SUSD1: variants seen among roughly 807,000 people sequenced by gnomAD.
The protein encoded by SUSD1 is sushi domain-containing protein 1.
SUSD1 carries 65 observed loss-of-function variants against 86.9 expected under a neutral mutation model. The observed-to-expected ratio is 0.75, with a 90% confidence interval of 0.61 to 0.92. SUSD1 has a LOEUF of 0.92. SUSD1 is among the 40% of genes least tolerant of loss of function. The pLI is 0.00. For missense variants in SUSD1, 850 were observed against 929.7 expected (o/e 0.91, Z 1.11); for synonymous variants, 346 against 350.0 (o/e 0.99, Z 0.13).
rs185711777 is a variant in SUSD1, at chr9:112,100,181, C to T, written c.1282-1519G>A. On this transcript the variant is annotated intron_variant, in intron 9 of 16. Transcript: ENST00000374270. ...ACATGTCACACAAATTAACCTTTAT[C>T]TAATTTTTTTGTTGTTGTTTTTTTA... Among the ~76,000 whole-genome samples the T allele has an allele frequency of 5.9e-5, 9 of 152,206 alleles. 1 individual carries two copies. Among genetic ancestry groups the T allele is most frequent in the Admixed American group, 4.6e-4 (7 of 15,278 alleles).
At chr9:112,118,025 G>A (rs1051822033) in intron 6 of SUSD1, among the ~76,000 whole-genome samples, 1 of 152,194 alleles carries the variant, frequency 6.6e-6, no homozygotes, top group Non-Finnish European at 1.5e-5. Flanking sequence ...AAGTCCCACT[G>A]TGCAAGGACA....
chr9:112,148,806 T>C (rs1436708897), intron 3 of SUSD1, among the ~76,000 whole-genome samples: 1 of 151,744 alleles, frequency 6.6e-6, no homozygotes, highest in Admixed American at 6.6e-5. Context: ...CTTAGGAAGC[T>C]GAGGCAGGAG....
chr9:112,150,931 T>C (rs1257741196), intron 2 of SUSD1, among the ~76,000 whole-genome samples: 1 of 152,164 alleles, frequency 6.6e-6, no homozygotes, highest in Non-Finnish European at 1.5e-5. Flanking sequence ...GATACATGAC[T>C]GTAGACTTTT....
chr9:112,173,730 C>T (rs1834145220), intron 1 of SUSD1: 2 of 397,924 alleles, frequency 5.0e-6, no homozygotes, highest in Non-Finnish European at 4.9e-6. Flanking sequence ...GAATCTTGGG[C>T]TTAACCTCCT....
At chr9:112,157,942 G>A (rs562481128) in intron 1 of SUSD1, among the ~76,000 whole-genome samples, 1 of 150,774 alleles carries the variant, frequency 6.6e-6, no homozygotes, top group East Asian at 2.0e-4. Context: ...TCCCACCTCA[G>A]CCTCCCAAGT....
At chr9:112,115,325 T>A (rs1831266991) in intron 6 of SUSD1, among the ~76,000 whole-genome samples, 1 of 152,218 alleles carries the variant, frequency 6.6e-6, no homozygotes, top group Non-Finnish European at 1.5e-5. Context: ...GTGTCCCACA[T>A]GACCTGGTCT....
chr9:112,052,239 C>A, intron 15 of SUSD1, 160 bp downstream of exon 15: 1 of 1,538,416 alleles, frequency 6.5e-7, no homozygotes, highest in Non-Finnish European at 8.7e-7. Flanking sequence ...ATCCACTCAC[C>A]CTCCTCCCAT....
Position 112,073,103 on chromosome 9 carries a change from G to C in SUSD1, c.1753+5435C>G, listed in dbSNP as rs559917474. Among the ~76,000 whole-genome samples, 10 of 152,376 alleles carry C rather than the reference G, an allele frequency of 6.6e-5. No homozygotes were observed. The South Asian group carries it at 1.7e-3, about 25-fold the overall frequency. ...AGGACATCCCATTGTGGAGGGCGGT[G>C]TCAGAGGCAGGGGCAGGGAGGATCA... On this transcript the variant is annotated intron_variant, in intron 12 of 16. Coordinates refer to ENST00000374270, the MANE Select transcript of SUSD1 (RefSeq NM_022486.5).
rs1831106874 is a variant in SUSD1 at position 112,111,733 on chromosome 9, T to G, written c.1092A>C (p.Pro364=). 1 of 1,614,094 alleles carries G rather than the reference T, an allele frequency of 6.2e-7. No individual in the cohort carries two copies. The highest frequency in any genetic ancestry group is 8.5e-7 in the Non-Finnish European group (1 of 1,179,958). ...AGATGTTCACGGTGTAGTTGGTGCC[T>G]GGGTACAGGGCTAGGCACACTTCTG... The part of the protein sequence containing the change: ...RTPEVCLALY[P]GTNYTVNIST... The change falls in exon 8 of 17, where the codon CCA becomes CCC. Residue 364 remains proline (P), a synonymous_variant. Transcript: ENST00000374270.
intron 15 of SUSD1, among the ~76,000 whole-genome samples, chr9:112,042,866 A>G (rs1589563965): frequency 6.6e-6 from 1 of 152,224 alleles, no homozygotes; most frequent in South Asian, 2.1e-4. Flanking sequence ...TCAGTACAGT[A>G]CCTGGCACTA....
At chr9:112,165,231 G>T (rs1833730572) in intron 1 of SUSD1, among the ~76,000 whole-genome samples, 1 of 152,102 alleles carries the variant, frequency 6.6e-6, no homozygotes, top group African/African-American at 2.4e-5. Flanking sequence ...ATGTAGGCAT[G>T]CAATGCGTAG....
intron 4 of SUSD1, 30 bp downstream of exon 4, chr9:112,143,441 G>C (rs1263775031): frequency 6.2e-7 from 1 of 1,608,222 alleles, no homozygotes; most frequent in Non-Finnish European, 8.5e-7. Flanking sequence ...ATTTCACGTT[G>C]AGATGCCGCA....
chr9:112,080,486 G>A (rs1209282396), intron 10 of SUSD1, among the ~76,000 whole-genome samples: 7 of 152,038 alleles, frequency 4.6e-5, no homozygotes, highest in Non-Finnish European at 7.4e-5. Context: ...CCACGAGTTC[G>A]AGACCAGCCT....
At position 112,111,009 on chromosome 9, in the gene SUSD1, G is replaced by A. The variant is rs557595765; in HGVS notation, c.1171+645C>T. On this transcript the variant is annotated intron_variant, in intron 8 of 16. Transcript: ENST00000374270. ...TTTGGTTTTTTTGGGTTTTTTTTGA[G>A]ACAGAGTCTTGCCCTGTTGCCCAGG... is the stretch of plus-strand genomic sequence containing the variant. 3.9e-3 allele frequency among the ~76,000 whole-genome samples: 590 copies of A among 151,684 alleles called. 1 individual carries two copies. The highest frequency in any genetic ancestry group is 0.014 in the African/African-American group (561 of 41,410).
chr9:112,078,760 G>T, intron 11 of SUSD1, 36 bp from the exon 12 acceptor site: 1 of 1,582,244 alleles, frequency 6.3e-7, no homozygotes, highest in South Asian at 1.1e-5. Context: ...TGAATGGTTG[G>T]CCTAAAAGGC....
intron 15 of SUSD1, among the ~76,000 whole-genome samples, chr9:112,045,138 A>ATTTGT (rs142207364): frequency 0.073 from 11,138 of 152,182 alleles, 531 homozygotes; most frequent in South Asian, 0.14. Context: ...AATTAACTAG[A>ATTTGT]TTTGTTTTGT....
intron 5 of SUSD1, among the ~76,000 whole-genome samples, chr9:112,129,247 G>A (rs1351811981): frequency 2.6e-5 from 4 of 152,140 alleles, no homozygotes; most frequent in African/African-American, 4.8e-5. Flanking sequence ...GTGGAATAAA[G>A]ACTATTACCT....
At chr9:112,159,743 T>C (rs745730466) in intron 1 of SUSD1, among the ~76,000 whole-genome samples, 1 of 152,252 alleles carries the variant, frequency 6.6e-6, no homozygotes, top group African/African-American at 2.4e-5. Context: ...GTAAGACTTA[T>C]GCGTTTTTAT....
intron 10 of SUSD1, among the ~76,000 whole-genome samples, chr9:112,087,967 G>T (rs1408192033): frequency 6.6e-6 from 1 of 152,162 alleles, no homozygotes; most frequent in Non-Finnish European, 1.5e-5. Flanking sequence ...GAAATCCTCA[G>T]GGTCTTCACT....
Sources: gnomAD v4.1 joint callset for allele counts (sites outside exome capture counted in the v4.1 genomes callset) on GRCh38, gnomAD v4.1.1 for gene constraint, MANE v1.5 for transcripts, NCBI Gene and HGNC (gene_info 2026-07-23, HGNC 2026-07-21) for gene names.